The following FNDC3A variants were observed in gnomAD, a reference collection of about 807,000 sequenced individuals.
FNDC3A encodes the protein fibronectin type-III domain-containing protein 3A.
FNDC3A carries 32 observed loss-of-function variants against 148.9 expected under a neutral mutation model. The observed-to-expected ratio is 0.21, with a 90% CI of 0.16 to 0.29. The LOEUF (loss-of-function observed/expected upper bound fraction) is 0.29, where lower values mean the gene tolerates loss of function less well. Among genes scored for constraint, FNDC3A ranks in the 10% least tolerant of loss-of-function variants. The probability of loss-of-function intolerance (pLI) is 1.00; values close to 1 mark genes in which losing one functional copy is unlikely to be tolerated. For synonymous variants in FNDC3A, 472 were observed against 473.6 expected (o/e 1.00, Z 0.04); for missense variants, 1,191 against 1,452.8 (o/e 0.82, Z 2.93).
chr13:49,137,284 C>G (rs1882426939), intron 6 of FNDC3A, among the ~76,000 whole-genome samples: 1 of 152,052 alleles, frequency 6.6e-6, no homozygotes, highest in Admixed American at 6.6e-5. Context: ...CTCCTTGTTA[C>G]TCTTGGATCC....
chr13:49,158,752 G>A (rs1317223909), intron 8 of FNDC3A, among the ~76,000 whole-genome samples: 2 of 152,056 alleles, frequency 1.3e-5, no homozygotes, highest in Non-Finnish European at 2.9e-5. Flanking sequence ...TATGGTTTTG[G>A]GTCTAACATT....
intron 23 of FNDC3A, among the ~76,000 whole-genome samples, chr13:49,199,834 A>G (rs1886342690): frequency 6.6e-6 from 1 of 152,112 alleles, no homozygotes. Context: ...ATCTTTGCTA[A>G]TCTTTGAATT....
chr13:49,093,326 A>G (rs999556046), intron 3 of FNDC3A, among the ~76,000 whole-genome samples: 1 of 152,212 alleles, frequency 6.6e-6, no homozygotes, highest in African/African-American at 2.4e-5. Context: ...AGTCATTTCT[A>G]ATTGCACAGA....
chr13:48,981,380 T>C (rs1435366731), intron 1 of FNDC3A, among the ~76,000 whole-genome samples: 1 of 152,034 alleles, frequency 6.6e-6, no homozygotes, highest in Non-Finnish European at 1.5e-5. Context: ...TCCTCAAAGA[T>C]ATTGTGAGAA....
chr13:48,990,676 C>G (rs1176681609), intron 1 of FNDC3A, among the ~76,000 whole-genome samples: 2 of 151,056 alleles, frequency 1.3e-5, no homozygotes, highest in Non-Finnish European at 2.9e-5. Flanking sequence ...TTGGGAGGAT[C>G]GCTTGAACCC....
chr13:49,197,976 T>G lies in FNDC3A; in HGVS notation c.2491-6T>G. 6.2e-7 allele frequency: 1 copy of G among 1,605,732 alleles called. No homozygotes were observed. Among genetic ancestry groups the G allele is most frequent in the Non-Finnish European group, 8.5e-7 (1 of 1,176,024 alleles). On this transcript the variant is annotated splice_polypyrimidine_tract_variant and splice_region_variant and intron_variant, in intron 21 of 25. Coordinates refer to ENST00000492622, the MANE Select transcript of FNDC3A (RefSeq NM_001079673.2). Reference sequence around the variant, plus strand: ...TTGTTAACTCGGAGGCTCTGTTAATTTGTAGGCTCTGAGTGTTGTGGGTGC... The same window carrying G: ...TTGTTAACTCGGAGGCTCTGTTAATGTGTAGGCTCTGAGTGTTGTGGGTGC...
chr13:48,992,932 A>G (rs1951948612), intron 1 of FNDC3A, among the ~76,000 whole-genome samples: 1 of 152,162 alleles, frequency 6.6e-6, no homozygotes, highest in African/African-American at 2.4e-5. Flanking sequence ...TTACTCTGCC[A>G]TTTCCCAGGA....
At chr13:49,137,939 A>G (rs1340097541) in intron 6 of FNDC3A, among the ~76,000 whole-genome samples, 2 of 152,206 alleles carry the variant, frequency 1.3e-5, no homozygotes, top group African/African-American at 4.8e-5. Flanking sequence ...AGAAATGACT[A>G]TGAACCATAC....
intron 5 of FNDC3A, among the ~76,000 whole-genome samples, chr13:49,134,740 A>G (rs1239260434): frequency 2.1e-5 from 3 of 141,548 alleles, no homozygotes; most frequent in Non-Finnish European, 4.5e-5. Context: ...GCTTTTCCCT[A>G]ATGCTACTAA....
intron 8 of FNDC3A, among the ~76,000 whole-genome samples, chr13:49,160,100 C>G (rs1256103146): frequency 5.9e-5 from 9 of 152,052 alleles, no homozygotes; most frequent in Non-Finnish European, 1.2e-4. Context: ...GTGTCTCTGC[C>G]CGGCTTTGGT....
chr13:49,088,140 C>T (rs1417733198), intron 3 of FNDC3A, among the ~76,000 whole-genome samples: 1 of 152,006 alleles, frequency 6.6e-6, no homozygotes. Context: ...CCATTTTTAA[C>T]CTTTTATATA....
intron 19 of FNDC3A, among the ~76,000 whole-genome samples, chr13:49,195,173 A>G (rs9535167): frequency 0.32 from 49,013 of 152,102 alleles, 8,025 homozygotes; most frequent in South Asian, 0.48. Flanking sequence ...CCAGAGGTTG[A>G]GGTTATTTCA....
At chr13:48,994,641 G>A (rs1168492907) in intron 1 of FNDC3A, among the ~76,000 whole-genome samples, 1 of 152,112 alleles carries the variant, frequency 6.6e-6, no homozygotes, top group African/African-American at 2.4e-5. Context: ...AGCTGGGCGT[G>A]GTGGCGCATG....
At chr13:49,191,720 G>C (rs1387883383) in intron 19 of FNDC3A, among the ~76,000 whole-genome samples, 1 of 152,010 alleles carries the variant, frequency 6.6e-6, no homozygotes, top group Non-Finnish European at 1.5e-5. Context: ...TTTTGAGGCT[G>C]ATTGAAGTTT....
At chr13:49,175,155 T>A (rs1289313241) in intron 12 of FNDC3A, among the ~76,000 whole-genome samples, 1 of 152,192 alleles carries the variant, frequency 6.6e-6, no homozygotes, top group Non-Finnish European at 1.5e-5. Flanking sequence ...GGCTTACAAA[T>A]CTGAACAAAA....
chr13:49,079,690 A>T (rs1376062359), intron 3 of FNDC3A, among the ~76,000 whole-genome samples: 1 of 152,218 alleles, frequency 6.6e-6, no homozygotes, highest in African/African-American at 2.4e-5. Flanking sequence ...CAATAAAATA[A>T]TAACATGTAA....
intron 2 of FNDC3A, among the ~76,000 whole-genome samples, chr13:49,021,305 T>A (rs1453904474): frequency 6.6e-6 from 1 of 152,202 alleles, no homozygotes; most frequent in Non-Finnish European, 1.5e-5. Context: ...ACAAGCCAAC[T>A]GTGATGTTAA....
At chr13:49,191,428 T>C (rs113103105) in intron 19 of FNDC3A, 44 bp downstream of exon 19, 6 of 1,446,484 alleles carry the variant, frequency 4.1e-6, no homozygotes, top group Admixed American at 2.5e-5. Context: ...AATGGTGATA[T>C]ATGTTTCATT....
At chr13:49,040,798 G>T (rs899485353) in intron 2 of FNDC3A, among the ~76,000 whole-genome samples, 1 of 152,126 alleles carries the variant, frequency 6.6e-6, no homozygotes, top group Non-Finnish European at 1.5e-5. Flanking sequence ...ACAGAATGAT[G>T]GATAATTTAC....
Sources: allele counts gnomAD v4.1 joint callset (sites outside exome capture counted in the v4.1 genomes callset), GRCh38; gene constraint gnomAD v4.1.1; transcripts MANE v1.5; gene names NCBI Gene and HGNC (gene_info 2026-07-23, HGNC 2026-07-21).